The following GABRG2 variants were observed in gnomAD, a reference collection of about 807,000 sequenced individuals.
GABRG2 encodes gamma-aminobutyric acid receptor subunit gamma-2.
A neutral mutation model predicts 56.4 loss-of-function variants in GABRG2; 16 were observed. That is an observed-to-expected ratio of 0.28 (90% CI 0.19 to 0.43). The LOEUF (loss-of-function observed/expected upper bound fraction) is 0.43, where lower values mean the gene tolerates loss of function less well. GABRG2 is among the 20% of genes least tolerant of loss of function. GABRG2 has a pLI of 1.00. For synonymous variants in GABRG2, 208 were observed against 205.5 expected (o/e 1.01, Z -0.10); for missense variants, 327 against 582.7 (o/e 0.56, Z 4.52).
intron 6 of GABRG2, among the ~76,000 whole-genome samples, chr5:162,130,666 C>A (rs1302579934): frequency 6.6e-6 from 1 of 151,904 alleles, no homozygotes; most frequent in African/African-American, 2.4e-5. Context: ...GATTTTGACC[C>A]ATTTGTGAGA....
At chr5:162,073,658 T>G (rs1758854864) in intron 1 of GABRG2, among the ~76,000 whole-genome samples, 1 of 151,944 alleles carries the variant, frequency 6.6e-6, no homozygotes, top group Non-Finnish European at 1.5e-5. Flanking sequence ...CCAATCATAC[T>G]AGCAACTGGT....
In GABRG2 at chr5:162,074,767, T is replaced by A. The variant is rs754528884; in HGVS notation, c.107+6661T>A. Reference sequence around the variant, plus strand: ...TCTTAATTAATTTATGAAACGAATATCATTTGAGCCAATTCTGGGATTTTT... The same window carrying A: ...TCTTAATTAATTTATGAAACGAATAACATTTGAGCCAATTCTGGGATTTTT... On this transcript the variant is annotated intron_variant, in intron 1 of 9. Transcript: ENST00000639213. Among the ~76,000 whole-genome samples the A allele has an allele frequency of 3.3e-4, 50 of 152,066 alleles. 1 individual carries two copies. Among genetic ancestry groups the A allele is most frequent in the Non-Finnish European group, 5.9e-5 (4 of 67,986 alleles).
chr5:162,108,063 C>G (rs1372450471), intron 6 of GABRG2, among the ~76,000 whole-genome samples: 2 of 152,186 alleles, frequency 1.3e-5, no homozygotes, highest in East Asian at 1.9e-4. Context: ...TCTGCTTTCT[C>G]ATAACCATAG....
intron 6 of GABRG2, among the ~76,000 whole-genome samples, chr5:162,141,137 C>T (rs1259875542): frequency 3.9e-5 from 6 of 152,006 alleles, no homozygotes; most frequent in Admixed American, 2.6e-4. Flanking sequence ...CCCGGGTTCA[C>T]GCCATTCTCC....
chr5:162,117,476 T>G (rs1456301574), intron 6 of GABRG2, among the ~76,000 whole-genome samples: 1 of 152,142 alleles, frequency 6.6e-6, no homozygotes, highest in African/African-American at 2.4e-5. Flanking sequence ...CTAACAGTCC[T>G]GTGTAAGAGG....
intron 8 of GABRG2, chr5:162,149,620 C>A: frequency 1.4e-6 from 1 of 701,858 alleles, no homozygotes; most frequent in Non-Finnish European, 2.6e-6. Context: ...TTCCAGGTTT[C>A]ACTGATTTTT....
Position 162,149,224 on chromosome 5 carries a change from T to A in GABRG2, c.1039T>A (p.Phe347Ile). ...LFVSVCFIFV[F>I]SALVEYGTLH... ...TGTATCTGTTTGTTTCATCTTTGTC[T>A]TCTCTGCTCTGGTGGAGTATGGCAC... Residue 347 changes from phenylalanine (F) to isoleucine (I), a missense_variant, in exon 8 of 10, where the codon TTC becomes ATC. Coordinates refer to ENST00000639213, the MANE Select transcript of GABRG2 (RefSeq NM_198904.4). 6.2e-7 allele frequency: 1 copy of A among 1,614,168 alleles called. No individual in the cohort carries two copies. Among genetic ancestry groups the A allele is most frequent in the Non-Finnish European group, 8.5e-7 (1 of 1,180,028 alleles).
chr5:162,150,640 G>A (rs1343850039), intron 8 of GABRG2: 2 of 152,110 alleles, frequency 1.3e-5, no homozygotes, highest in Non-Finnish European at 2.9e-5. Flanking sequence ...CCGTAATAAC[G>A]CTCTACCTAT....
chr5:162,144,625 G>C (rs1258189726), intron 7 of GABRG2, among the ~76,000 whole-genome samples: 1 of 152,116 alleles, frequency 6.6e-6, no homozygotes, highest in African/African-American at 2.4e-5. Flanking sequence ...ACAATTTTTA[G>C]AGCTGAGCTA....
chr5:162,092,870 G>A (rs1276069064), intron 1 of GABRG2, among the ~76,000 whole-genome samples: 1 of 152,080 alleles, frequency 6.6e-6, no homozygotes, highest in African/African-American at 2.4e-5. Flanking sequence ...TATTCATTCA[G>A]TGTTGATAAA....
At chr5:162,075,852 T>C (rs955059707) in intron 1 of GABRG2, among the ~76,000 whole-genome samples, 5 of 152,078 alleles carry the variant, frequency 3.3e-5, no homozygotes, top group African/African-American at 9.7e-5. Flanking sequence ...AGGGTTCAGT[T>C]TGATGACCCT....
chr5:162,146,679 TTC>T (rs1167063334), intron 7 of GABRG2, among the ~76,000 whole-genome samples: 1 of 152,206 alleles, frequency 6.6e-6, no homozygotes, highest in Non-Finnish European at 1.5e-5. Flanking sequence ...TTTAGACAGA[TTC>T]TGTTTTCATA....
At chr5:162,073,482 G>A (rs1758837224) in intron 1 of GABRG2, among the ~76,000 whole-genome samples, 1 of 151,856 alleles carries the variant, frequency 6.6e-6, no homozygotes, top group South Asian at 2.1e-4. Flanking sequence ...TAGGAAACTT[G>A]CTCAATGTTG....
intron 1 of GABRG2, among the ~76,000 whole-genome samples, chr5:162,079,391 A>G (rs1490497324): frequency 6.6e-6 from 1 of 152,226 alleles, no homozygotes; most frequent in Non-Finnish European, 1.5e-5. Context: ...AGAAGTGCAC[A>G]TGCACGTAAA....
chr5:162,138,356 C>T (rs1350102495), intron 6 of GABRG2, among the ~76,000 whole-genome samples: 8 of 152,136 alleles, frequency 5.3e-5, no homozygotes, highest in Admixed American at 5.2e-4. Flanking sequence ...AAATCAGCCT[C>T]ATGGAATTAT....
Position 162,153,185 on chromosome 5 carries a change from G to A in GABRG2, c.1245G>A (p.Glu415=). ...AGAGAGATGAAGAGTACGGCTATGA[G>A]TGTCTGGACGGCAAGGACTGTGCCA... The part of the protein sequence containing the change: ...LQERDEEYGY[E]CLDGKDCASF... Residue 415 remains glutamate, a synonymous_variant, in exon 10 of 10, where the codon GAG becomes GAA. Coordinates refer to ENST00000639213, the MANE Select transcript of GABRG2 (RefSeq NM_198904.4). 1.2e-6 allele frequency: 2 copies of A among 1,614,086 alleles called. No individual in the cohort carries two copies. The highest frequency in any genetic ancestry group is 2.7e-5 in the African/African-American group (2 of 75,040).
At chr5:162,088,572 A>G (rs1046599890) in intron 1 of GABRG2, among the ~76,000 whole-genome samples, 4 of 152,168 alleles carry the variant, frequency 2.6e-5, no homozygotes, top group African/African-American at 9.6e-5. Context: ...TAAAGGCATC[A>G]TGTCTTTTAT....
intron 3 of GABRG2, among the ~76,000 whole-genome samples, chr5:162,096,934 T>C (rs1003002942): frequency 6.6e-6 from 1 of 152,072 alleles, no homozygotes; most frequent in African/African-American, 2.4e-5. Flanking sequence ...ATAGTGTAAG[T>C]AAATAGTGAA....
intron 6 of GABRG2, among the ~76,000 whole-genome samples, chr5:162,106,060 C>T (rs211029): frequency 0.59 from 89,921 of 151,742 alleles, 26,878 homozygotes; most frequent in African/African-American, 0.66. Flanking sequence ...TCACAGAGCC[C>T]AACATTACCA....
Sources: allele counts gnomAD v4.1 joint callset (sites outside exome capture counted in the v4.1 genomes callset), GRCh38; gene constraint gnomAD v4.1.1; transcripts MANE v1.5; gene names NCBI Gene and HGNC (gene_info 2026-07-23, HGNC 2026-07-21).